The following RPL34 variants were observed in gnomAD, a reference collection of about 807,000 sequenced individuals.
RPL34 encodes the protein ribosomal protein L34, also known as large ribosomal subunit protein eL34.
RPL34 carries 2 observed loss-of-function variants against 16.3 expected under a neutral mutation model. The ratio of observed to expected loss-of-function variants is 0.12; its 90% CI spans 0.05 to 0.39. RPL34 has a LOEUF of 0.39. RPL34 is among the 10% of genes least tolerant of loss of function. The pLI, the probability that RPL34 is intolerant of heterozygous loss-of-function variation, is 0.99. For missense variants in RPL34, 82 were observed against 148.8 expected, an observed-to-expected ratio of 0.55 and a Z score of 2.33; for synonymous variants, 47 against 48.5, an observed-to-expected ratio of 0.97 and a Z score of 0.13.
chr4:108,626,498 G>C (rs1726006064), downstream of RPL34, among the ~76,000 whole-genome samples: 1 of 141,120 alleles, frequency 7.1e-6, no homozygotes, highest in African/African-American at 2.6e-5. Flanking sequence ...GCCCAGGCTG[G>C]AGCGTACTGG....
At chr4:108,623,985 A>T (rs551799762) in intron 4 of RPL34, among the ~76,000 whole-genome samples, 61 of 152,346 alleles carry the variant, frequency 4.0e-4, no homozygotes, top group Middle Eastern at 6.8e-3. Context: ...GTACGGACTG[A>T]TCTGGCACAT....
At chr4:108,626,447 C>CAT (rs1726003393), downstream of RPL34, among the ~76,000 whole-genome samples, 1 of 117,078 alleles carries the variant, frequency 8.5e-6, no homozygotes. Context: ...GGCTGACAAC[C>CAT]TTTTTTTTTT....
intron 1 of RPL34, chr4:108,621,719 C>G: frequency 2.2e-6 from 1 of 454,906 alleles, no homozygotes; most frequent in South Asian, 2.3e-5. Flanking sequence ...GTCATCAGAA[C>G]GTTAAGGAAG....
In RPL34 at chr4:108,625,134, G is replaced by A. The variant is rs750672172; in HGVS notation, c.276G>A (p.Lys92=). 5 of 1,604,632 alleles carry A rather than the reference G, an allele frequency of 3.1e-6. No individual in the cohort carries two copies. Among genetic ancestry groups the A allele is most frequent in the Admixed American group, 3.3e-5 (2 of 59,934 alleles). Residue 92 remains lysine, a synonymous_variant, in exon 5 of 5, where the codon AAG becomes AAA. Transcript: ENST00000394667. The part of the protein sequence containing the change: ...MCAKCVRDRI[K]RAFLIEEQKI... ...TTGGTATTTTCCTTTCTAGGATCAA[G>A]CGTGCTTTCCTTATCGAGGAGCAGA...
chr4:108,626,447 CTTTTTTTTTTT>C (rs34343318), downstream of RPL34, among the ~76,000 whole-genome samples: 7 of 117,078 alleles, frequency 6.0e-5, no homozygotes, highest in Admixed American at 1.0e-4. Context: ...GGCTGACAAC[CTTTTTTTTTTT>C]TTTTTTTTTT....
chr4:108,622,924 G>C, intron 4 of RPL34: 1 of 246,086 alleles, frequency 4.1e-6, no homozygotes, highest in Admixed American at 4.9e-5. Context: ...AAAAGTGTAG[G>C]AACAGAAGAG....
At chr4:108,629,002 T>G (rs1408164705), downstream of RPL34, among the ~76,000 whole-genome samples, 1 of 152,208 alleles carries the variant, frequency 6.6e-6, no homozygotes, top group South Asian at 2.1e-4. Flanking sequence ...GTATTTTTAG[T>G]AGAGACGGGT....
chr4:108,625,223 CT>C lies in RPL34; in HGVS notation c.*17del. On this transcript the variant is annotated 3_prime_UTR_variant, in exon 5 of 5. Coordinates refer to ENST00000394667, the MANE Select transcript of RPL34 (RefSeq NM_001319236.2). ...CAGAAAGCTAAATAAAAAAATGAAA[CT>C]TTTTTGAGTAATAAAAATGAAAAGA... 3 of 1,536,736 alleles carry C rather than the reference CT, an allele frequency of 2.0e-6. No individual in the cohort carries two copies. Among genetic ancestry groups the C allele is most frequent in the Non-Finnish European group, 2.7e-6 (3 of 1,118,148 alleles).
At chr4:108,629,588 C>A (rs1726115765), downstream of RPL34, among the ~76,000 whole-genome samples, 1 of 152,122 alleles carries the variant, frequency 6.6e-6, no homozygotes. Flanking sequence ...CTTATTGAAT[C>A]CAGTTCTATG....
chr4:108,627,239 C>CA (rs145972035), downstream of RPL34, among the ~76,000 whole-genome samples: 23,979 of 146,296 alleles, frequency 0.16, 1,980 homozygotes, highest in Middle Eastern at 0.33. Flanking sequence ...ACTCGGTCTC[C>CA]AAAAAAAAAA....
downstream of RPL34, among the ~76,000 whole-genome samples, chr4:108,628,032 T>G (rs1726072346): frequency 6.6e-6 from 1 of 152,088 alleles, no homozygotes; most frequent in South Asian, 2.1e-4. Context: ...GTTGGTAGGA[T>G]TTTTGCAGCT....
downstream of RPL34, among the ~76,000 whole-genome samples, chr4:108,626,654 A>G (rs1373787114): frequency 6.6e-6 from 1 of 151,902 alleles, no homozygotes; most frequent in Non-Finnish European, 1.5e-5. Context: ...GGCCAGGTTC[A>G]TCTTGAACTC....
At chr4:108,627,239 C>CAA (rs145972035), downstream of RPL34, among the ~76,000 whole-genome samples, 6 of 146,480 alleles carry the variant, frequency 4.1e-5, no homozygotes, top group East Asian at 2.0e-4. Context: ...ACTCGGTCTC[C>CAA]AAAAAAAAAA....
At chr4:108,622,348 A>G in intron 3 of RPL34, 144 bp downstream of exon 3, 1 of 813,122 alleles carries the variant, frequency 1.2e-6, no homozygotes, top group Middle Eastern at 2.3e-4. Context: ...TCTGCCACGA[A>G]CATAGACTTT....
chr4:108,621,059 C>G (rs917891843), intron 1 of RPL34: 1 of 152,200 alleles, frequency 6.6e-6, no homozygotes, highest in East Asian at 1.9e-4. Flanking sequence ...TTAGAAGTTT[C>G]TGTCTTGCTT....
intron 4 of RPL34, 88 bp downstream of exon 4, chr4:108,622,706 A>C: frequency 3.1e-5 from 23 of 751,850 alleles, no homozygotes; most frequent in Non-Finnish European, 4.8e-5. Context: ...GAAGCAACTC[A>C]TTTTAAACCA....
At chr4:108,621,888 T>G in intron 1 of RPL34, 63 bp from the exon 2 acceptor site, 4 of 1,079,156 alleles carry the variant, frequency 3.7e-6, no homozygotes, top group Non-Finnish European at 5.7e-6. Context: ...CACATGATAC[T>G]GTTTTGAGAT....
At chr4:108,621,795 A>G in intron 1 of RPL34, 156 bp from the exon 2 acceptor site, 4 of 599,022 alleles carry the variant, frequency 6.7e-6, no homozygotes, top group Non-Finnish European at 1.2e-5. Flanking sequence ...TCACCTTTAA[A>G]TACAAGTAGT....
downstream of RPL34, among the ~76,000 whole-genome samples, chr4:108,626,687 C>T (rs1726013837): frequency 6.6e-6 from 1 of 152,132 alleles, no homozygotes. Context: ...GATCCGCCCA[C>T]CTTGGCCTCC....
Sources: gnomAD v4.1 joint callset for allele counts (sites outside exome capture counted in the v4.1 genomes callset) on GRCh38, gnomAD v4.1.1 for gene constraint, MANE v1.5 for transcripts, NCBI Gene and HGNC (gene_info 2026-07-23, HGNC 2026-07-21) for gene names.